Variants in FAM107B observed in about 807,000 individuals in gnomAD.
The protein encoded by FAM107B is family with sequence similarity 107 member B.
In FAM107B, 21 loss-of-function variants were observed where a neutral mutation model predicts 31.5. That is an observed-to-expected ratio of 0.67 (90% CI 0.47 to 0.96). The LOEUF (loss-of-function observed/expected upper bound fraction) is 0.96. FAM107B is among the 40% of genes least tolerant of loss of function. The pLI, the probability that FAM107B is intolerant of heterozygous loss-of-function variation, is 0.00. For missense variants in FAM107B, 452 were observed against 377.1 expected (o/e 1.20, Z -1.64); for synonymous variants, 157 against 141.5 (o/e 1.11, Z -0.78).
chr10:14,585,478 C>T (rs1479764190), intron 2 of FAM107B, among the ~76,000 whole-genome samples: 1 of 152,272 alleles, frequency 6.6e-6, no homozygotes, highest in East Asian at 1.9e-4. Context: ...AGCCACGGAC[C>T]CTGGGGGGCG....
In FAM107B at chr10:14,747,787, C is replaced by G. The variant is rs186671980; in HGVS notation, c.411+26466G>C. ...CTCACCCAGTCAGGAGGCACAGGAT[C>G]TGGGACCCAATTAATGAAGCACTCT... On this transcript the variant is annotated intron_variant, in intron 1 of 4. Coordinates refer to ENST00000181796, the MANE Select transcript of FAM107B (RefSeq NM_031453.4). Among the ~76,000 whole-genome samples the G allele has an allele frequency of 7.9e-5, 12 of 152,352 alleles. No individual in the cohort carries two copies. The East Asian group carries it at 1.9e-3, about 24-fold the overall frequency.
intron 1 of FAM107B, among the ~76,000 whole-genome samples, chr10:14,688,861 T>C (rs1005866250): frequency 2.0e-5 from 3 of 152,226 alleles, no homozygotes; most frequent in Admixed American, 1.3e-4. Flanking sequence ...CTTTGACCTC[T>C]TTCTGTTGGT....
intron 2 of FAM107B, among the ~76,000 whole-genome samples, chr10:14,572,963 T>G (rs961931475): frequency 6.6e-6 from 1 of 151,694 alleles, no homozygotes; most frequent in Non-Finnish European, 1.5e-5. Flanking sequence ...ACTATATTAT[T>G]AGGAAATAGC....
chr10:14,769,678 G>T (rs531665883), intron 1 of FAM107B, among the ~76,000 whole-genome samples: 1 of 152,134 alleles, frequency 6.6e-6, no homozygotes, highest in Non-Finnish European at 1.5e-5. Flanking sequence ...GAGCCACCGC[G>T]CCCGGCCACA....
chr10:14,760,924 ATC>A (rs1256353465), intron 1 of FAM107B, among the ~76,000 whole-genome samples: 1 of 150,556 alleles, frequency 6.6e-6, no homozygotes, highest in Admixed American at 6.7e-5. Context: ...AGGCAGGAGA[ATC>A]GCTTGAACCC....
At chr10:14,704,411 G>A (rs1198017280) in intron 1 of FAM107B, among the ~76,000 whole-genome samples, 1 of 151,992 alleles carries the variant, frequency 6.6e-6, no homozygotes, top group East Asian at 1.9e-4. Context: ...ATAACAAACA[G>A]TTTCCAACTG....
chr10:14,649,697 AT>A (rs1201781933), intron 2 of FAM107B, among the ~76,000 whole-genome samples: 2 of 152,208 alleles, frequency 1.3e-5, no homozygotes, highest in East Asian at 3.9e-4. Context: ...ACCTGTATTA[AT>A]TTATGTCTTA....
intron 2 of FAM107B, among the ~76,000 whole-genome samples, chr10:14,662,886 G>C (rs1407652531): frequency 6.6e-6 from 1 of 152,194 alleles, no homozygotes; most frequent in Non-Finnish European, 1.5e-5. Flanking sequence ...GTTGCCAACG[G>C]AGATTAACGT....
chr10:14,607,605 G>A (rs1341036751), intron 2 of FAM107B, among the ~76,000 whole-genome samples: 1 of 152,162 alleles, frequency 6.6e-6, no homozygotes, highest in Non-Finnish European at 1.5e-5. Flanking sequence ...CTCAGCCCGA[G>A]TCTGATATAC....
At chr10:14,683,668 G>C (rs1389880758) in intron 1 of FAM107B, among the ~76,000 whole-genome samples, 1 of 152,170 alleles carries the variant, frequency 6.6e-6, no homozygotes, top group Non-Finnish European at 1.5e-5. Context: ...TGGAGATAGG[G>C]TTACAGATCA....
intron 2 of FAM107B, among the ~76,000 whole-genome samples, chr10:14,608,833 A>G (rs576190975): frequency 8.5e-5 from 13 of 152,312 alleles, no homozygotes; most frequent in African/African-American, 3.1e-4. Context: ...ACAGGGCTTG[A>G]GTGCTGTACT....
At chr10:14,718,124 C>T (rs59503663) in intron 1 of FAM107B, among the ~76,000 whole-genome samples, 29 of 152,128 alleles carry the variant, frequency 1.9e-4, no homozygotes, top group African/African-American at 6.3e-4. Context: ...GTCAGGAGTT[C>T]GAGACCAGCC....
rs531473007 is a variant in FAM107B at position 14,700,236 on chromosome 10, C to T, written c.412-32545G>A. 9.9e-5 allele frequency among the ~76,000 whole-genome samples: 15 copies of T among 152,114 alleles called. No individual in the cohort carries two copies. The South Asian group carries it at 2.9e-3, about 30-fold the overall frequency. ...GTGTGAGCCACCGCGCCAGGCCAGG[C>T]GTCCCTTTTTAAAAAGCAGCACTGG... On this transcript the variant is annotated intron_variant, in intron 1 of 4. Transcript: ENST00000181796.
chr10:14,556,351 G>A (rs1849699428), intron 2 of FAM107B: 1 of 985,456 alleles, frequency 1.0e-6, no homozygotes, highest in African/African-American at 1.7e-5. Context: ...AGAAGATCTA[G>A]AAATGCTGAC....
intron 2 of FAM107B, chr10:14,542,672 T>G (rs1329647059): frequency 2.0e-5 from 3 of 152,216 alleles, no homozygotes; most frequent in Non-Finnish European, 4.4e-5. Context: ...CTGTCTTCAT[T>G]TGATCTTGAA....
intron 2 of FAM107B, among the ~76,000 whole-genome samples, chr10:14,603,955 G>GC (rs1209762334): frequency 1.3e-5 from 2 of 148,902 alleles, no homozygotes; most frequent in East Asian, 3.9e-4. Context: ...GCAACAATGA[G>GC]CCGGGCGGCC....
intron 2 of FAM107B, among the ~76,000 whole-genome samples, chr10:14,665,570 G>C (rs1854383121): frequency 6.6e-6 from 1 of 152,206 alleles, no homozygotes. Context: ...CATTGATGCA[G>C]CAATGACCAT....
intron 1 of FAM107B, among the ~76,000 whole-genome samples, chr10:14,696,247 T>C (rs1338391442): frequency 6.6e-6 from 1 of 152,268 alleles, no homozygotes; most frequent in African/African-American, 2.4e-5. Context: ...CATGTGGCCA[T>C]GTGGCTTTTA....
intron 2 of FAM107B, chr10:14,571,751 G>T: frequency 2.0e-6 from 2 of 983,746 alleles, no homozygotes; most frequent in Non-Finnish European, 2.4e-6. Flanking sequence ...AAGTCCCAGT[G>T]TTTATTCTTA....
Sources: allele counts gnomAD v4.1 joint callset (sites outside exome capture counted in the v4.1 genomes callset), GRCh38; gene constraint gnomAD v4.1.1; transcripts MANE v1.5; gene names NCBI Gene and HGNC (gene_info 2026-07-23, HGNC 2026-07-21).